Variants in RP1 observed in about 807,000 individuals in gnomAD.
The protein encoded by RP1 is oxygen-regulated protein 1.
A neutral mutation model predicts 14.8 loss-of-function variants in RP1; 16 were observed. That is an observed-to-expected ratio of 1.08 (90% confidence interval 0.73 to 1.65). The LOEUF (loss-of-function observed/expected upper bound fraction) is 1.65, where lower values mean the gene tolerates loss of function less well. Ranked by LOEUF, RP1 falls within the 40% of genes most tolerant of loss-of-function variation. The probability of loss-of-function intolerance (pLI) is 0.00; values close to 1 mark genes in which losing one functional copy is unlikely to be tolerated. For missense variants in RP1, 2,631 were observed against 2,535.0 expected (o/e 1.04, Z -0.81); for synonymous variants, 876 against 883.6 (o/e 0.99, Z 0.15).
intron 16 of RP1, among the ~76,000 whole-genome samples, chr8:54,723,095 T>G (rs1808572284): frequency 6.6e-6 from 1 of 152,138 alleles, no homozygotes; most frequent in South Asian, 2.1e-4. Context: ...CTTTTGCCAG[T>G]GGTATGCTTT....
intron 1 of RP1, among the ~76,000 whole-genome samples, chr8:54,563,707 G>T (rs1207712706): frequency 3.3e-5 from 5 of 151,970 alleles, no homozygotes; most frequent in African/African-American, 1.2e-4. Flanking sequence ...CACTGTGCCT[G>T]ACTAATTTAT....
chr8:54,656,237 G>A, intron 6 of RP1: 3 of 1,526,902 alleles, frequency 2.0e-6, no homozygotes, highest in Non-Finnish European at 1.7e-6. Flanking sequence ...TCAACTCCAG[G>A]TAGCATGGAT....
intron 24 of RP1, among the ~76,000 whole-genome samples, chr8:54,828,730 C>A (rs1163425219): frequency 2.0e-5 from 3 of 152,054 alleles, no homozygotes; most frequent in African/African-American, 4.8e-5. Flanking sequence ...ACTTGCAGTG[C>A]AGTAGGCTTG....
chr8:54,674,078 C>A, intron 8 of RP1: 1 of 630,758 alleles, frequency 1.6e-6, no homozygotes, highest in Non-Finnish European at 2.6e-6. Context: ...TCTCCAAATA[C>A]CCTTTAAAAT....
intron 1 of RP1, among the ~76,000 whole-genome samples, chr8:54,596,069 A>T (rs563650774): frequency 3.9e-5 from 6 of 152,240 alleles, no homozygotes; most frequent in Non-Finnish European, 8.8e-5. Flanking sequence ...TTGCTTAGAA[A>T]ATTCTTGGGA....
chr8:54,857,159 G>A (rs997769705), intron 27 of RP1: 161 of 715,648 alleles, frequency 2.2e-4, no homozygotes, highest in Non-Finnish European at 2.7e-4. Context: ...ATGAAAAATC[G>A]TATAAGAAGC....
chr8:54,849,145 C>T (rs908733120), intron 25 of RP1, among the ~76,000 whole-genome samples: 19 of 151,970 alleles, frequency 1.3e-4, no homozygotes, highest in Non-Finnish European at 2.9e-5. Flanking sequence ...GCAAGGCTGT[C>T]CATTAAGCAG....
At chr8:54,566,800 G>A (rs13281601) in intron 1 of RP1, among the ~76,000 whole-genome samples, 45,683 of 152,114 alleles carry the variant, frequency 0.3, 7,804 homozygotes, top group Non-Finnish European at 0.39. Flanking sequence ...GATATTTAAT[G>A]CTTACAGATT....
chr8:54,842,678 A>G (rs762275375), intron 25 of RP1, among the ~76,000 whole-genome samples: 1 of 152,212 alleles, frequency 6.6e-6, no homozygotes, highest in Non-Finnish European at 1.5e-5. Flanking sequence ...TAAAATGTCA[A>G]TCAGATTATG....
chr8:54,699,948 T>G (rs1387156262), intron 13 of RP1, among the ~76,000 whole-genome samples: 1 of 152,216 alleles, frequency 6.6e-6, no homozygotes, highest in African/African-American at 2.4e-5. Flanking sequence ...GCATACATGT[T>G]ATTTATTTTT....
chr8:54,805,369 A>C (rs963177779), intron 24 of RP1, among the ~76,000 whole-genome samples: 1 of 152,202 alleles, frequency 6.6e-6, no homozygotes, highest in African/African-American at 2.4e-5. Context: ...TTCTTCACCA[A>C]GTTTGAATAT....
intron 6 of RP1, among the ~76,000 whole-genome samples, chr8:54,663,291 C>A (rs935807643): frequency 6.6e-6 from 1 of 151,448 alleles, no homozygotes; most frequent in East Asian, 1.9e-4. Context: ...GTGATGCTGG[C>A]AATTTGGATA....
chr8:54,584,629 G>T (rs949330401), intron 1 of RP1, among the ~76,000 whole-genome samples: 8 of 152,020 alleles, frequency 5.3e-5, no homozygotes, highest in African/African-American at 1.9e-4. Context: ...TTATTGTGTG[G>T]GTGTCTAAGT....
At chr8:54,846,012 C>T (rs1029200927) in intron 25 of RP1, among the ~76,000 whole-genome samples, 3 of 152,190 alleles carry the variant, frequency 2.0e-5, no homozygotes, top group African/African-American at 4.8e-5. Context: ...TGAAGTTACT[C>T]CATTCCAGCC....
At chr8:54,591,089 T>A (rs1325413087) in intron 1 of RP1, among the ~76,000 whole-genome samples, 2 of 152,228 alleles carry the variant, frequency 1.3e-5, no homozygotes, top group African/African-American at 2.4e-5. Flanking sequence ...TAAGCCACCA[T>A]AAGTTTTCAT....
intron 15 of RP1, chr8:54,720,116 G>T: frequency 6.7e-7 from 1 of 1,494,620 alleles, no homozygotes; most frequent in Non-Finnish European, 8.9e-7. Flanking sequence ...GAATCATTTT[G>T]TATTGATTGT....
chr8:54,776,594 C>A (rs1056760507), intron 23 of RP1, among the ~76,000 whole-genome samples: 5 of 152,098 alleles, frequency 3.3e-5, no homozygotes, highest in African/African-American at 1.2e-4. Flanking sequence ...CAAAGGAAGG[C>A]AAGTCAAGTT....
At chr8:54,645,023 A>G (rs541548798) in intron 3 of RP1, among the ~76,000 whole-genome samples, 2 of 152,294 alleles carry the variant, frequency 1.3e-5, no homozygotes, top group South Asian at 2.1e-4. Flanking sequence ...ATTAATTTAT[A>G]TCATAATTAC....
At chr8:54,615,038 T>G (rs1805683639), upstream of RP1, among the ~76,000 whole-genome samples, 2 of 152,232 alleles carry the variant, frequency 1.3e-5, no homozygotes, top group African/African-American at 4.8e-5. Context: ...TTCATGCCTA[T>G]TGCTACCCTG....
Sources: gnomAD v4.1 joint callset for allele counts (sites outside exome capture counted in the v4.1 genomes callset) on GRCh38, gnomAD v4.1.1 for gene constraint, MANE v1.5 for transcripts, NCBI Gene and HGNC (gene_info 2026-07-23, HGNC 2026-07-21) for gene names.